Variants in ZNF469 observed in about 807,000 individuals in gnomAD.
The protein encoded by ZNF469 is zinc finger protein 469.
A neutral mutation model predicts 1.0 loss-of-function variants in ZNF469; 1 was observed. The observed-to-expected ratio is 1.00, with a 90% CI of 0.35 to 4.73. ZNF469 has a LOEUF of 4.73. Ranked by LOEUF, ZNF469 falls within the 30% of genes most tolerant of loss-of-function variation. ZNF469 has a pLI of 0.16. For missense variants in ZNF469, 6,100 were observed against 5,356.3 expected (o/e 1.14, Z -4.33); for synonymous variants, 2,703 against 2,363.4 (o/e 1.14, Z -4.17).
At chr16:88,286,007 T>C in the ZNF469 span, among the ~76,000 whole-genome samples, 1 of 152,178 alleles carries the variant, frequency 6.6e-6, no homozygotes, top group Non-Finnish European at 1.5e-5. Flanking sequence ...AGCATCGCCA[T>C]CTCCTTCCTT....
the ZNF469 span, among the ~76,000 whole-genome samples, chr16:88,137,145 C>T: frequency 2.6e-5 from 4 of 152,090 alleles, no homozygotes; most frequent in Non-Finnish European, 5.9e-5. Flanking sequence ...ACCGTGCATG[C>T]AATAACCACG....
chr16:88,206,249 G>A, the ZNF469 span, among the ~76,000 whole-genome samples: 1 of 152,210 alleles, frequency 6.6e-6, no homozygotes, highest in African/African-American at 2.4e-5. Flanking sequence ...CACTTGCCGT[G>A]GTCCCGGCCC....
the ZNF469 span, among the ~76,000 whole-genome samples, chr16:88,374,184 T>C: frequency 6.0e-3 from 919 of 152,238 alleles, 10 homozygotes; most frequent in African/African-American, 0.02. Context: ...GGCCTGGCAC[T>C]CTGTGGCCCA....
At chr16:88,202,398 C>G in the ZNF469 span, among the ~76,000 whole-genome samples, 34 of 152,118 alleles carry the variant, frequency 2.2e-4, no homozygotes, top group African/African-American at 8.2e-4. Context: ...GCCTGTGGGT[C>G]CTAAAGTCCT....
At chr16:88,258,683 T>C in the ZNF469 span, among the ~76,000 whole-genome samples, 1 of 152,086 alleles carries the variant, frequency 6.6e-6, no homozygotes, top group Admixed American at 6.6e-5. Context: ...GTGACGATGA[T>C]GGTGGTGGTG....
the ZNF469 span, among the ~76,000 whole-genome samples, chr16:88,185,759 C>CAG: frequency 8.7e-4 from 8 of 9,158 alleles, no homozygotes; most frequent in Non-Finnish European, 1.5e-3. Context: ...TGCCCAGACC[C>CAG]ACAGACACAT....
chr16:88,293,826 T>G, the ZNF469 span, among the ~76,000 whole-genome samples: 2 of 152,090 alleles, frequency 1.3e-5, no homozygotes, highest in Admixed American at 1.3e-4. Flanking sequence ...GTGGGAATTG[T>G]GGGGCATGGA....
Position 88,428,441 on chromosome 16 carries a change from A to G in ZNF469, c.971A>G (p.Tyr324Cys). The G allele has an allele frequency of 6.5e-7, 1 of 1,548,122 alleles. No homozygotes were observed. Among genetic ancestry groups the G allele is most frequent in the Non-Finnish European group, 8.7e-7 (1 of 1,146,698 alleles). ...PEEAVGTGPA[Y>C]PLPTQPAPSP... ...GAGGCCGTGGGCACGGGCCCTGCCT[A>G]CCCGCTGCCCACCCAGCCTGCGCCC... The change falls in exon 3 of 3, where the codon TAC (tyrosine) becomes TGC (cysteine). Residue 324 changes from tyrosine to cysteine, a missense_variant. By Grantham distance (194) the Tyr-to-Cys change is radical. Transcript: ENST00000565624.
chr16:88,397,646 T>TAG (rs879461057), intron 1 of ZNF469, among the ~76,000 whole-genome samples: 36,344 of 112,578 alleles, frequency 0.32, 5,093 homozygotes, highest in African/African-American at 0.48. Context: ...GATGGATGGA[T>TAG]ATAAATAAGA....
intron 1 of ZNF469, among the ~76,000 whole-genome samples, chr16:88,420,132 G>A (rs747391344): frequency 2.0e-5 from 3 of 152,248 alleles, no homozygotes; most frequent in Non-Finnish European, 4.4e-5. Context: ...ACACCGGGAC[G>A]AGGGAAGAAA....
At chr16:88,158,907 C>T in the ZNF469 span, among the ~76,000 whole-genome samples, 3 of 152,054 alleles carry the variant, frequency 2.0e-5, no homozygotes, top group Non-Finnish European at 4.4e-5. Context: ...TGGGGCCTTC[C>T]GACATCCTCC....
At chr16:88,347,412 G>GCA in the ZNF469 span, among the ~76,000 whole-genome samples, 1 of 152,104 alleles carries the variant, frequency 6.6e-6, no homozygotes, top group African/African-American at 2.4e-5. Flanking sequence ...TGAGCCGCGG[G>GCA]CACACCCAGA....
At chr16:88,397,639 G>GACT (rs1567500447) in intron 1 of ZNF469, among the ~76,000 whole-genome samples, 14 of 130,830 alleles carry the variant, frequency 1.1e-4, no homozygotes, top group African/African-American at 4.2e-4. Context: ...ATGGATGGAT[G>GACT]GATGGATATA....
the ZNF469 span, among the ~76,000 whole-genome samples, chr16:88,143,315 C>T: frequency 6.6e-6 from 1 of 152,256 alleles, no homozygotes; most frequent in Non-Finnish European, 1.5e-5. Context: ...GCTTAACGCA[C>T]TCAGGGCCGT....
At chr16:88,394,986 C>T (rs889052964) in intron 1 of ZNF469, among the ~76,000 whole-genome samples, 1 of 152,236 alleles carries the variant, frequency 6.6e-6, no homozygotes. Flanking sequence ...CCCCATCAGC[C>T]TCTCCACTCT....
the ZNF469 span, among the ~76,000 whole-genome samples, chr16:88,250,950 T>G: frequency 6.6e-6 from 1 of 152,204 alleles, no homozygotes; most frequent in African/African-American, 2.4e-5. Flanking sequence ...TGATCTCGGC[T>G]CACTGCAAAC....
At chr16:88,269,396 T>A in the ZNF469 span, among the ~76,000 whole-genome samples, 1 of 152,210 alleles carries the variant, frequency 6.6e-6, no homozygotes, top group Non-Finnish European at 1.5e-5. Flanking sequence ...CGGCCGGGCC[T>A]GTGGCAGGTG....
the ZNF469 span, among the ~76,000 whole-genome samples, chr16:88,283,028 CA>C: frequency 6.6e-6 from 1 of 152,190 alleles, no homozygotes; most frequent in Non-Finnish European, 1.5e-5. Flanking sequence ...TGCATTAGGT[CA>C]AGAAGTTGGC....
At chr16:88,125,696 G>C in the ZNF469 span, among the ~76,000 whole-genome samples, 1 of 152,188 alleles carries the variant, frequency 6.6e-6, no homozygotes, top group African/African-American at 2.4e-5. Flanking sequence ...AGAAATCAGA[G>C]TATAGTAGCT....
Sources: allele counts gnomAD v4.1 joint callset (sites outside exome capture counted in the v4.1 genomes callset), GRCh38; gene constraint gnomAD v4.1.1; transcripts MANE v1.5; gene names NCBI Gene and HGNC (gene_info 2026-07-23, HGNC 2026-07-21).